FBXW8: variants seen among roughly 807,000 people sequenced by gnomAD.
The protein encoded by FBXW8 is F-box/WD repeat-containing protein 8.
In FBXW8, 57 loss-of-function variants were observed where a neutral mutation model predicts 65.3. That is an observed-to-expected ratio of 0.87 (90% CI 0.71 to 1.09). FBXW8 has a LOEUF of 1.09. Ranked by LOEUF, FBXW8 falls within the 50% of genes least tolerant of loss-of-function variation. FBXW8 has a pLI of 0.00. For missense variants in FBXW8, 777 were observed against 814.8 expected, an observed-to-expected ratio of 0.95 and a Z score of 0.57; for synonymous variants, 308 against 330.2, an observed-to-expected ratio of 0.93 and a Z score of 0.73.
chr12:117,011,227 T>TGGGCCC (rs1953803922), intron 8 of FBXW8, among the ~76,000 whole-genome samples: 1 of 140,702 alleles, frequency 7.1e-6, no homozygotes, highest in South Asian at 2.3e-4. Context: ...CCCCCTCCCC[T>TGGGCCC]GGGCCCGGCC....
At chr12:116,957,931 A>G (rs1373843831) in intron 4 of FBXW8, among the ~76,000 whole-genome samples, 9 of 152,240 alleles carry the variant, frequency 5.9e-5, no homozygotes, top group Non-Finnish European at 1.3e-4. Flanking sequence ...GGAGCTCCAG[A>G]ATATCCTTGA....
chr12:117,013,014 A>G (rs1953864104), intron 8 of FBXW8, among the ~76,000 whole-genome samples: 1 of 152,142 alleles, frequency 6.6e-6, no homozygotes, highest in Non-Finnish European at 1.5e-5. Context: ...ATCACTCAAG[A>G]AAAACCAGAC....
chr12:116,971,367 A>G (rs1158201789), intron 5 of FBXW8, among the ~76,000 whole-genome samples: 1 of 152,082 alleles, frequency 6.6e-6, no homozygotes, highest in Admixed American at 6.6e-5. Context: ...CAAAAAAAAA[A>G]AAAAGGCAGA....
Position 117,028,143 on chromosome 12 carries a change from G to A in FBXW8, c.1768G>A (p.Ala590Thr), listed in dbSNP as rs199926759. The A allele has an allele frequency of 1.7e-5, 27 of 1,613,982 alleles. No individual in the cohort carries two copies. The highest frequency in any genetic ancestry group is 4.0e-5 in the African/African-American group (3 of 74,924). ...DAMATHYYDL[A>T]LAFPYNHV is the part of the protein sequence containing the mutation. ...CATGGCCACTCACTACTACGACCTCGCACTGGCCTTTCCCTATAACCATGT... is the reference window on the plus strand; with the variant it reads ...CATGGCCACTCACTACTACGACCTCACACTGGCCTTTCCCTATAACCATGT... The change falls in exon 11 of 11, where the codon GCA (alanine) becomes ACA (threonine). Residue 590 changes from alanine (A) to threonine (T), a missense_variant. Transcript: ENST00000652555. This position sits in a 1 kb window ranked among gnomAD's most constrained non-coding sequence, Gnocchi z 4.1.
intron 2 of FBXW8, among the ~76,000 whole-genome samples, chr12:116,938,845 C>G (rs968442754): frequency 1.1e-4 from 17 of 152,184 alleles, no homozygotes; most frequent in Non-Finnish European, 2.1e-4. Flanking sequence ...GTCTTGTGAT[C>G]TAACCTGGGT....
At chr12:117,011,505 T>C (rs548947438) in intron 8 of FBXW8, among the ~76,000 whole-genome samples, 22 of 152,316 alleles carry the variant, frequency 1.4e-4, no homozygotes, top group Admixed American at 5.2e-4. Context: ...ACTGAACTCC[T>C]CAGTGTGTGT....
intron 7 of FBXW8, among the ~76,000 whole-genome samples, chr12:117,007,754 T>C (rs892134727): frequency 6.6e-6 from 1 of 152,138 alleles, no homozygotes; most frequent in Non-Finnish European, 1.5e-5. Flanking sequence ...GCATGAATAA[T>C]TAATCTCACT....
intron 4 of FBXW8, 198 bp downstream of exon 4, chr12:116,949,904 T>C (rs1056312527): frequency 8.3e-6 from 5 of 600,274 alleles, no homozygotes; most frequent in Non-Finnish European, 1.5e-5. Context: ...GAGAAGCACA[T>C]GGTGTAGAGC....
chr12:116,981,335 GA>G (rs1309253545), intron 5 of FBXW8, among the ~76,000 whole-genome samples: 3 of 152,228 alleles, frequency 2.0e-5, no homozygotes, highest in Non-Finnish European at 2.9e-5. Context: ...AGTTCAAAGG[GA>G]AATTGCAAAC....
At chr12:117,004,127 C>G (rs560635918) in intron 7 of FBXW8, among the ~76,000 whole-genome samples, 1 of 152,320 alleles carries the variant, frequency 6.6e-6, no homozygotes, top group South Asian at 2.1e-4. Flanking sequence ...CGCCCAATTC[C>G]TCAACTCGGT....
At chr12:116,982,945 C>T (rs1461014221) in intron 5 of FBXW8, among the ~76,000 whole-genome samples, 2 of 152,064 alleles carry the variant, frequency 1.3e-5, no homozygotes, top group Admixed American at 6.5e-5. Context: ...AATTCCAGCC[C>T]AACTTCATGA....
At chr12:116,977,057 T>C (rs1324142125) in intron 5 of FBXW8, among the ~76,000 whole-genome samples, 3 of 152,176 alleles carry the variant, frequency 2.0e-5, no homozygotes, top group African/African-American at 4.8e-5. Context: ...CATCTATTTG[T>C]TGGGGGGATT....
chr12:116,969,225 A>C (rs1356357727), intron 5 of FBXW8, among the ~76,000 whole-genome samples: 1 of 152,006 alleles, frequency 6.6e-6, no homozygotes, highest in Non-Finnish European at 1.5e-5. Context: ...GAAATCTTTG[A>C]TTCGTTTCAA....
At chr12:116,950,511 AG>A (rs1358111103) in intron 4 of FBXW8, 2 of 152,238 alleles carry the variant, frequency 1.3e-5, no homozygotes, top group African/African-American at 2.4e-5. Flanking sequence ...TCAGTAGTAG[AG>A]GAGTCCTTTT....
intron 1 of FBXW8, among the ~76,000 whole-genome samples, chr12:116,923,965 G>A (rs1214157930): frequency 6.6e-6 from 1 of 152,030 alleles, no homozygotes; most frequent in South Asian, 2.1e-4. Flanking sequence ...CGCCTGCCTC[G>A]GCCTCCCAAA....
chr12:116,985,325 G>A lies in FBXW8; in HGVS notation c.955G>A (p.Ala319Thr), dbSNP rs572688206. 2.1e-5 allele frequency: 34 copies of A among 1,614,220 alleles called. No individual in the cohort carries two copies. In the South Asian group the frequency reaches 3.3e-4, roughly 16 times the overall value. Residue 319 changes from alanine (A) to threonine (T), a missense_variant, in exon 6 of 11, where the codon GCT (alanine) becomes ACT (threonine). Coordinates refer to ENST00000652555, the MANE Select transcript of FBXW8 (RefSeq NM_153348.3). The stretch of plus-strand genomic sequence containing the variant: ...CGATGCAACCGTGGCCACAGCTTCT[G>A]CTTTTGATGTCGTGATGTTATCCCC... Reference protein sequence around the residue: ...QDDATVATASAFDVVMLSPNE... With the variant: ...QDDATVATASTFDVVMLSPNE...
intron 7 of FBXW8, among the ~76,000 whole-genome samples, chr12:116,998,560 A>C (rs913182380): frequency 3.2e-4 from 49 of 152,020 alleles, no homozygotes; most frequent in Non-Finnish European, 1.3e-4. Context: ...CTTAGCGCTA[A>C]CTCCATTTAT....
chr12:116,947,596 C>T (rs1320379300), intron 3 of FBXW8, among the ~76,000 whole-genome samples: 2 of 151,656 alleles, frequency 1.3e-5, no homozygotes, highest in African/African-American at 4.8e-5. Context: ...GAAAATTAGC[C>T]GGGCGTGGTG....
chr12:116,967,840 C>T (rs981695185), intron 5 of FBXW8, among the ~76,000 whole-genome samples: 1 of 152,192 alleles, frequency 6.6e-6, no homozygotes, highest in Non-Finnish European at 1.5e-5. Flanking sequence ...GATCTCGACT[C>T]ACTACAACCT....
Sources: allele counts gnomAD v4.1 joint callset (sites outside exome capture counted in the v4.1 genomes callset), GRCh38; gene constraint gnomAD v4.1.1; non-coding constraint Gnocchi (gnomAD v3.1); transcripts MANE v1.5; gene names NCBI Gene and HGNC (gene_info 2026-07-23, HGNC 2026-07-21).